CELF4: variants seen among roughly 807,000 people sequenced by gnomAD.
CELF4 encodes the protein CUGBP Elav-like family member 4, also known as CUG-BP- and ETR-3-like factor 4.
In CELF4, 18 loss-of-function variants were observed where a neutral mutation model predicts 59.9. The ratio of observed to expected loss-of-function variants is 0.30; its 90% CI spans 0.21 to 0.45. CELF4 has a LOEUF of 0.45. Among genes scored for constraint, CELF4 ranks in the 20% least tolerant of loss-of-function variants. The pLI, the probability that CELF4 is intolerant of heterozygous loss-of-function variation, is 1.00. For synonymous variants in CELF4, 261 were observed against 267.1 expected (o/e 0.98, Z 0.22); for missense variants, 456 against 689.0 (o/e 0.66, Z 3.79).
intron 1 of CELF4, among the ~76,000 whole-genome samples, chr18:37,498,288 C>T (rs1223355324): frequency 6.6e-6 from 1 of 151,672 alleles, no homozygotes; most frequent in African/African-American, 2.4e-5. Flanking sequence ...TTCCTCTCCT[C>T]TCTTCCCCTT....
intron 2 of CELF4, among the ~76,000 whole-genome samples, chr18:37,361,569 C>A (rs550491870): frequency 6.6e-6 from 1 of 152,192 alleles, no homozygotes; most frequent in Non-Finnish European, 1.5e-5. Context: ...TTAGCTGCCT[C>A]GTTTACAGTT....
chr18:37,401,520 A>T (rs757124869), intron 2 of CELF4, among the ~76,000 whole-genome samples: 3 of 152,202 alleles, frequency 2.0e-5, no homozygotes, highest in Non-Finnish European at 4.4e-5. Flanking sequence ...AGGGCTGTCC[A>T]TGCATTAAAT....
At chr18:37,397,012 GCCT>G (rs2099253416) in intron 2 of CELF4, among the ~76,000 whole-genome samples, 1 of 152,228 alleles carries the variant, frequency 6.6e-6, no homozygotes, top group Non-Finnish European at 1.5e-5. Flanking sequence ...CTATTGGTGT[GCCT>G]GCCTGTGTGG....
At chr18:37,470,811 A>G (rs2099818985) in intron 2 of CELF4, among the ~76,000 whole-genome samples, 1 of 145,856 alleles carries the variant, frequency 6.9e-6, no homozygotes, top group Non-Finnish European at 1.5e-5. Flanking sequence ...CATGGATCCC[A>G]GGCAGATCCT....
chr18:37,547,414 G>T (rs2154605696), intron 1 of CELF4, among the ~76,000 whole-genome samples: 1 of 152,228 alleles, frequency 6.6e-6, no homozygotes, highest in East Asian at 1.9e-4. Flanking sequence ...CTTCCCAGTT[G>T]CCACCCCCTG....
At chr18:37,553,673 C>T (rs933347951) in intron 1 of CELF4, among the ~76,000 whole-genome samples, 3 of 152,172 alleles carry the variant, frequency 2.0e-5, no homozygotes, top group African/African-American at 7.2e-5. Context: ...CCCTGTTTTG[C>T]TGGTGTCCCA....
intron 2 of CELF4, among the ~76,000 whole-genome samples, chr18:37,472,884 G>T (rs552436962): frequency 6.6e-6 from 1 of 152,152 alleles, no homozygotes; most frequent in Non-Finnish European, 1.5e-5. Context: ...GGTTCTATGC[G>T]GGCATTTATG....
At chr18:37,529,423 G>C (rs542324607) in intron 1 of CELF4, among the ~76,000 whole-genome samples, 10 of 152,192 alleles carry the variant, frequency 6.6e-5, no homozygotes, top group African/African-American at 2.4e-4. Context: ...CAGGTCTGGC[G>C]CGACGTAGCA....
At chr18:37,250,121 A>G (rs919041482) in intron 12 of CELF4, among the ~76,000 whole-genome samples, 16 of 152,192 alleles carry the variant, frequency 1.1e-4, no homozygotes, top group Non-Finnish European at 1.8e-4. Flanking sequence ...GGGCGGGGCC[A>G]GGCTGGGTGT....
intron 2 of CELF4, among the ~76,000 whole-genome samples, chr18:37,433,660 G>T (rs1487261865): frequency 3.3e-5 from 5 of 152,236 alleles, no homozygotes; most frequent in Admixed American, 6.5e-5. Flanking sequence ...ATGGAATGGG[G>T]TCACCTGGCA....
chr18:37,521,228 A>G (rs2099957044), intron 1 of CELF4, among the ~76,000 whole-genome samples: 1 of 152,102 alleles, frequency 6.6e-6, no homozygotes, highest in South Asian at 2.1e-4. Context: ...CTGATCTCTG[A>G]GGTCCGTGCC....
intron 2 of CELF4, among the ~76,000 whole-genome samples, chr18:37,385,315 G>C (rs1286179847): frequency 2.2e-5 from 3 of 137,742 alleles, no homozygotes; most frequent in Non-Finnish European, 4.5e-5. Context: ...AGATCAAACT[G>C]CTGCACTATA....
chr18:37,452,747 GCTT>G (rs2099767549), intron 2 of CELF4, among the ~76,000 whole-genome samples: 1 of 152,114 alleles, frequency 6.6e-6, no homozygotes, highest in Non-Finnish European at 1.5e-5. Context: ...AAATATGAGT[GCTT>G]CTTATCTTAA....
chr18:37,562,803 C>T (rs1442184782), intron 1 of CELF4, among the ~76,000 whole-genome samples: 3 of 152,144 alleles, frequency 2.0e-5, no homozygotes, highest in Non-Finnish European at 2.9e-5. Flanking sequence ...ATTCAGCTCT[C>T]TGAGAGCTTG....
chr18:37,382,924 G>A (rs2099056887), intron 2 of CELF4, among the ~76,000 whole-genome samples: 1 of 152,056 alleles, frequency 6.6e-6, no homozygotes, highest in African/African-American at 2.4e-5. Context: ...TCCTACTCCT[G>A]GGTGGCCTGG....
intron 11 of CELF4, chr18:37,258,977 G>A: frequency 6.0e-6 from 4 of 671,512 alleles, no homozygotes; most frequent in Non-Finnish European, 7.6e-6. Context: ...AGAGAGAAGG[G>A]TGAGATGAGG....
At chr18:37,402,356 A>G (rs1440368886) in intron 2 of CELF4, among the ~76,000 whole-genome samples, 1 of 152,048 alleles carries the variant, frequency 6.6e-6, no homozygotes, top group East Asian at 1.9e-4. Context: ...AAACGCTCCT[A>G]TTGCACCTGC....
chr18:37,378,433 A>G (rs2098997263), intron 2 of CELF4, among the ~76,000 whole-genome samples: 1 of 152,112 alleles, frequency 6.6e-6, no homozygotes. Context: ...TTTCCCTGTG[A>G]GTCTACAATT....
intron 3 of CELF4, among the ~76,000 whole-genome samples, chr18:37,317,437 G>T (rs2096906930): frequency 6.6e-6 from 1 of 152,194 alleles, no homozygotes; most frequent in Non-Finnish European, 1.5e-5. Flanking sequence ...CTAACACTCA[G>T]TCAGTGTTCT....
Sources: allele counts gnomAD v4.1 joint callset (sites outside exome capture counted in the v4.1 genomes callset), GRCh38; gene constraint gnomAD v4.1.1; transcripts MANE v1.5; gene names NCBI Gene and HGNC (gene_info 2026-07-23, HGNC 2026-07-21).